TCERG1: variants seen among roughly 807,000 people sequenced by gnomAD.
The protein encoded by TCERG1 is transcription elongation regulator 1, also known as TATA box binding protein (TBP)-associated factor, RNA polymerase II, S, 150kD.
TCERG1 carries 37 observed loss-of-function variants against 144.7 expected under a neutral mutation model. The ratio of observed to expected loss-of-function variants is 0.26; its 90% CI spans 0.20 to 0.34. The LOEUF (loss-of-function observed/expected upper bound fraction) is 0.34, where lower values mean the gene tolerates loss of function less well. TCERG1 is among the 10% of genes least tolerant of loss of function. The pLI is 1.00. For synonymous variants in TCERG1, 492 were observed against 458.2 expected, an observed-to-expected ratio of 1.07 and a Z score of -0.94; for missense variants, 1,027 against 1,380.7, an observed-to-expected ratio of 0.74 and a Z score of 4.06.
Position 146,502,479 on chromosome 5 carries a change from TA to T in TCERG1, c.2434-891del, listed in dbSNP as rs892522337. 3.6e-4 allele frequency among the ~76,000 whole-genome samples: 55 copies of T among 152,266 alleles called. 1 individual carries two copies. The highest frequency in any genetic ancestry group is 1.3e-3 in the African/African-American group (55 of 41,556). On this transcript the variant is annotated intron_variant, in intron 17 of 22. Coordinates refer to ENST00000679501, the MANE Select transcript of TCERG1 (RefSeq NM_001382548.1). ...AAACAATTAGGCCCTCAGACATACA[TA>T]AAAATAACTATCTCATTTACTCCTT...
At chr5:146,496,429 C>CT (rs1195002774) in intron 16 of TCERG1, among the ~76,000 whole-genome samples, 3 of 152,088 alleles carry the variant, frequency 2.0e-5, no homozygotes, top group Non-Finnish European at 4.4e-5. Flanking sequence ...CTACCTCAGT[C>CT]TTTTTTCTAT....
At chr5:146,468,489 G>A in intron 6 of TCERG1, 86 bp downstream of exon 6, 3 of 1,293,330 alleles carry the variant, frequency 2.3e-6, no homozygotes, top group Non-Finnish European at 3.2e-6. Context: ...TTTATTTTTT[G>A]CCCAAGTGAG....
At chr5:146,450,549 T>G (rs1164517928) in intron 1 of TCERG1, among the ~76,000 whole-genome samples, 1 of 152,252 alleles carries the variant, frequency 6.6e-6, no homozygotes, top group Non-Finnish European at 1.5e-5. Context: ...TAATGATAGC[T>G]AATAACTTAG....
Position 146,507,358 on chromosome 5 carries a change from G to A in TCERG1, c.2961+151G>A, listed in dbSNP as rs1346626008. The A allele has an allele frequency of 5.7e-6, 4 of 695,782 alleles. No homozygotes were observed. The African/African-American group carries it at 8.5e-5, about 15-fold the overall frequency. The allele number at this position is 695,782 out of a possible 1,614,324, so 43.1% of individuals were successfully genotyped here. A position where few individuals can be genotyped will look rare whatever the true frequency, so the allele number is the denominator to read the frequency against. ...CAATTCTCTGATTTTAAAAAATTAT[G>A]GTATTCTTATTTATTTAGAAATGCC... On this transcript the variant is annotated intron_variant, in intron 20 of 22. Transcript: ENST00000679501. This position sits in a 1 kb window ranked among gnomAD's most constrained non-coding sequence, Gnocchi z 4.6.
intron 16 of TCERG1, among the ~76,000 whole-genome samples, chr5:146,496,166 A>T (rs1445767336): frequency 6.6e-6 from 1 of 152,222 alleles, no homozygotes; most frequent in Non-Finnish European, 1.5e-5. Context: ...AAAGCTTTAT[A>T]ATGCCTTTTA....
At chr5:146,466,645 A>G (rs1323843749) in intron 5 of TCERG1, among the ~76,000 whole-genome samples, 2 of 152,190 alleles carry the variant, frequency 1.3e-5, no homozygotes, top group Admixed American at 1.3e-4. Flanking sequence ...GCGAGTATTC[A>G]CAATCTGCAT....
chr5:146,473,159 C>T (rs1042479446), intron 9 of TCERG1, among the ~76,000 whole-genome samples: 2 of 152,190 alleles, frequency 1.3e-5, no homozygotes, highest in Non-Finnish European at 2.9e-5. Context: ...AAGTGCTATT[C>T]ATGTGAACAT....
At chr5:146,493,975 T>A (rs758856032) in intron 16 of TCERG1, among the ~76,000 whole-genome samples, 1 of 152,070 alleles carries the variant, frequency 6.6e-6, no homozygotes, top group Non-Finnish European at 1.5e-5. Context: ...AGAGTGATGT[T>A]GTTTAAGAAG....
intron 5 of TCERG1, among the ~76,000 whole-genome samples, chr5:146,466,607 A>G (rs1195403833): frequency 6.6e-6 from 1 of 152,206 alleles, no homozygotes; most frequent in Non-Finnish European, 1.5e-5. Context: ...CTCTAAAAAA[A>G]AAGGTTAAAA....
At chr5:146,470,512 G>C in intron 7 of TCERG1, 124 bp from the exon 8 acceptor site, 1 of 733,390 alleles carries the variant, frequency 1.4e-6, no homozygotes, top group Non-Finnish European at 2.1e-6. Context: ...AAAGATATAA[G>C]GAAAGACATT....
chr5:146,454,943 C>G (rs964501874), intron 1 of TCERG1, 113 bp from the exon 2 acceptor site: 2 of 1,158,012 alleles, frequency 1.7e-6, no homozygotes, highest in Admixed American at 4.9e-5. Context: ...GATGACTTTC[C>G]AACTCCACTT....
chr5:146,448,571 ACT>A (rs1480846482), intron 1 of TCERG1, among the ~76,000 whole-genome samples: 1 of 152,032 alleles, frequency 6.6e-6, no homozygotes, highest in Non-Finnish European at 1.5e-5. Context: ...GATTATGAAG[ACT>A]CTGTTGATAC....
chr5:146,486,045 C>A (rs1038180655), intron 15 of TCERG1, among the ~76,000 whole-genome samples: 17 of 152,102 alleles, frequency 1.1e-4, no homozygotes, highest in African/African-American at 3.9e-4. Context: ...AATGTAAGAA[C>A]TGAGAAGAAG....
intron 4 of TCERG1, among the ~76,000 whole-genome samples, chr5:146,463,260 T>C (rs1763492563): frequency 2.0e-5 from 3 of 152,234 alleles, no homozygotes; most frequent in African/African-American, 7.2e-5. Context: ...ATCTTAATTT[T>C]TCAAGGCGCA....
chr5:146,480,341 C>CCAAA, intron 12 of TCERG1: 1 of 259,192 alleles, frequency 3.9e-6, no homozygotes, highest in South Asian at 9.3e-5. Context: ...GGAATTAATT[C>CCAAA]TTTTTGGAAA....
intron 5 of TCERG1, among the ~76,000 whole-genome samples, chr5:146,466,348 C>A (rs1054497333): frequency 2.0e-5 from 3 of 151,940 alleles, no homozygotes; most frequent in African/African-American, 7.3e-5. Flanking sequence ...GATTGAGGAA[C>A]GGATGGTCAA....
rs1255761316 is a variant in TCERG1 at position 146,493,968 on chromosome 5, G to A, written c.2282+930G>A. On this transcript the variant is annotated intron_variant, in intron 16 of 22. Coordinates refer to ENST00000679501, the MANE Select transcript of TCERG1 (RefSeq NM_001382548.1). ...ATTTTGTCTGTGGAGGTAGGAAAGA[G>A]TGATGTTGTTTAAGAAGAATGTTTA... Among the ~76,000 whole-genome samples the A allele has an allele frequency of 2.6e-5, 4 of 152,224 alleles. No individual in the cohort carries two copies. In the East Asian group the frequency reaches 7.7e-4, roughly 29 times the overall value.
chr5:146,492,818 T>A (rs56238992), intron 15 of TCERG1, 102 bp from the exon 16 acceptor site: 61,109 of 782,070 alleles, frequency 0.078, 2,757 homozygotes, highest in Non-Finnish European at 0.086. Flanking sequence ...AGTTAATATA[T>A]TTTTCCTGGT....
chr5:146,492,949 A>G lies in TCERG1; in HGVS notation c.2193A>G (p.Ala731=). 1.2e-6 allele frequency: 2 copies of G among 1,608,374 alleles called. No homozygotes were observed. Among genetic ancestry groups the G allele is most frequent in the Non-Finnish European group, 1.7e-6 (2 of 1,177,876 alleles). ...QVFDQYVKTR[A]EEERREKKNK... ...TTGATCAGTATGTAAAGACCAGGGC[A>G]GAGGAAGAACGCAGGGAAAAGAAAA... The change falls in exon 16 of 23, where the codon GCA becomes GCG. Residue 731 remains alanine (A), a synonymous_variant. Coordinates refer to ENST00000679501, the MANE Select transcript of TCERG1 (RefSeq NM_001382548.1).
Sources: allele counts gnomAD v4.1 joint callset (sites outside exome capture counted in the v4.1 genomes callset), GRCh38; gene constraint gnomAD v4.1.1; non-coding constraint Gnocchi (gnomAD v3.1); transcripts MANE v1.5; gene names NCBI Gene and HGNC (gene_info 2026-07-23, HGNC 2026-07-21).